Variants in SPEN observed in about 807,000 individuals in gnomAD.
SPEN encodes msx2-interacting protein.
Under a neutral mutation model 269.9 loss-of-function variants are expected in SPEN, and 18 were observed. The observed-to-expected ratio is 0.07, with a 90% CI of 0.05 to 0.10. The LOEUF is 0.10. Ranked by LOEUF, SPEN falls within the 10% of genes least tolerant of loss-of-function variation. SPEN has a pLI of 1.00. For missense variants in SPEN, 3,822 were observed against 4,631.2 expected (o/e 0.83, Z 5.07); for synonymous variants, 1,726 against 1,765.7 (o/e 0.98, Z 0.56).
chr1:15,931,795 T>G lies in SPEN; in HGVS notation c.5555T>G (p.Leu1852Arg). 1 of 1,614,180 alleles carries G rather than the reference T, an allele frequency of 6.2e-7. No homozygotes were observed. Among genetic ancestry groups the G allele is most frequent in the Non-Finnish European group, 8.5e-7 (1 of 1,180,036 alleles). The change falls in exon 11 of 15, where the codon CTC becomes CGC. Residue 1852 changes from leucine to arginine, a missense_variant. Around this residue, in one of 16 missense-constraint regions of SPEN, gnomAD observed 533 missense variants for 618.8 expected, o/e 0.86. Transcript: ENST00000375759. This position sits in a 1 kb window ranked among gnomAD's most constrained non-coding sequence, Gnocchi z 4.8. ...AGTGAGAGGATAGACCGGGAAAAAC[T>G]CAAGCGGTCCAATTCTCCTCGGGGA... is the stretch of plus-strand genomic sequence containing the variant. ...RKSERIDREK[L>R]KRSNSPRGEA... is the part of the protein sequence containing the mutation.
intron 10 of SPEN, among the ~76,000 whole-genome samples, chr1:15,922,884 G>C (rs1375048194): frequency 6.6e-6 from 1 of 152,088 alleles, no homozygotes; most frequent in African/African-American, 2.4e-5. Flanking sequence ...AAAGCGCTGG[G>C]ATTACAGGTG....
chr1:15,915,026 T>G (rs1386024615), intron 5 of SPEN, among the ~76,000 whole-genome samples: 1 of 152,224 alleles, frequency 6.6e-6, no homozygotes, highest in African/African-American at 2.4e-5. Flanking sequence ...TATAAAATGT[T>G]GAAAAGTAAA....
At position 15,899,591 on chromosome 1, in the gene SPEN, C is replaced by T. The variant is rs566312106; in HGVS notation, c.882-9730C>T. 2.3e-5 allele frequency among the ~76,000 whole-genome samples: 3 copies of T among 128,970 alleles called. No homozygotes were observed. The Admixed American group carries it at 2.7e-4, about 12-fold the overall frequency. The allele number at this position is 128,970 out of a possible 152,430, so 84.6% of individuals were successfully genotyped here. A position where few individuals can be genotyped will look rare whatever the true frequency, so the allele number is the denominator to read the frequency against. ...GATCCTGTGTTGTTTATGCTGAACT[C>T]GAACTCCTGGGCTCATGCTGTCCTT... is the stretch of plus-strand genomic sequence containing the variant. On this transcript the variant is annotated intron_variant, in intron 3 of 14. Transcript: ENST00000375759.
Position 15,931,952 on chromosome 1 carries a change from A to C in SPEN, c.5712A>C (p.Val1904=), listed in dbSNP as rs759539493. The C allele has an allele frequency of 2.2e-5, 35 of 1,614,102 alleles. No individual in the cohort carries two copies. The highest frequency in any genetic ancestry group is 2.7e-5 in the Non-Finnish European group (32 of 1,180,040). ...TCAGCCGAACAAGGCGCCGGAATGT[A>C]AGGAGCGTCTATGCAACCATGGGTG... ...LPLSRTRRRN[V]RSVYATMGDH... is the part of the protein sequence containing the mutation. The change falls in exon 11 of 15, where the codon GTA becomes GTC. Residue 1904 remains valine (V), a synonymous_variant. Transcript: ENST00000375759. The surrounding 1 kb of genome is among the most constrained non-coding windows in gnomAD (Gnocchi z 4.8).
chr1:15,932,231 GA>G lies in SPEN; in HGVS notation c.5996del (p.Lys1999ArgfsTer23). ...CTGCAGCTGGTGGTGGACCCCAAGG[GA>G]AAAAGGGAAAAAATGAACCGAAGGT... Reference protein sequence around the residue: ...KTAAGGGPQGKKGKNEPKVDA... With the variant: ...KTAAGGGPQGXKGKNEPKVDA... On this transcript the variant is annotated frameshift_variant, in exon 11 of 15. Coordinates refer to ENST00000375759, the MANE Select transcript of SPEN (RefSeq NM_015001.3). LOFTEE classifies it high-confidence loss of function. The surrounding 1 kb of genome is among the most constrained non-coding windows in gnomAD (Gnocchi z 4.2). 6.2e-7 allele frequency: 1 copy of G among 1,609,626 alleles called. No homozygotes were observed. Among genetic ancestry groups the G allele is most frequent in the Non-Finnish European group, 8.5e-7 (1 of 1,178,716 alleles).
At chr1:15,908,588 A>G (rs1570035760) in intron 3 of SPEN, among the ~76,000 whole-genome samples, 1 of 151,924 alleles carries the variant, frequency 6.6e-6, no homozygotes, top group Admixed American at 6.6e-5. Flanking sequence ...ACACCCAGCT[A>G]ATTTTTATAT....
Position 15,939,206 on chromosome 1 carries a change from A to G in SPEN, c.10864-90A>G, listed in dbSNP as rs2071311269. 6 of 1,465,182 alleles carry G rather than the reference A, an allele frequency of 4.1e-6. No homozygotes were observed. In the South Asian group the frequency reaches 7.2e-5, roughly 18 times the overall value. 90.8% of individuals were successfully genotyped at this position (1,465,182 alleles called of 1,614,324 possible). On this transcript the variant is annotated intron_variant, in intron 14 of 14. Transcript: ENST00000375759. The surrounding 1 kb of genome is among the most constrained non-coding windows in gnomAD (Gnocchi z 4.1). The stretch of plus-strand genomic sequence containing the variant: ...TGGGGACTGATTTGGCCTGGCTCTT[A>G]GCATTGGGCCTCTTCAGGGCTCCCC...
At chr1:15,907,326 A>G (rs1342180516) in intron 3 of SPEN, among the ~76,000 whole-genome samples, 1 of 152,088 alleles carries the variant, frequency 6.6e-6, no homozygotes, top group African/African-American at 2.4e-5. Context: ...CACTAAAAAT[A>G]TAAAAAATAG....
intron 3 of SPEN, among the ~76,000 whole-genome samples, chr1:15,880,758 A>G (rs1196724971): frequency 2.0e-5 from 3 of 152,126 alleles, no homozygotes; most frequent in East Asian, 1.9e-4. Context: ...TGCCCGGCCA[A>G]TGATAGCTTT....
Position 15,933,893 on chromosome 1 carries a change from C to G in SPEN, c.7653C>G (p.Ser2551=), listed in dbSNP as rs1358279163. 1 of 1,613,962 alleles carries G rather than the reference C, an allele frequency of 6.2e-7. No individual in the cohort carries two copies. Among genetic ancestry groups the G allele is most frequent in the African/African-American group, 1.3e-5 (1 of 75,036 alleles). The change falls in exon 11 of 15, where the codon TCC becomes TCG. Residue 2551 remains serine, a synonymous_variant. Transcript: ENST00000375759. This position sits in a 1 kb window ranked among gnomAD's most constrained non-coding sequence, Gnocchi z 5.7. ...PKYVSATSVT[S]TSVTTAIAEP... Reference sequence around the variant, plus strand: ...ATGTGTCTGCCACAAGTGTCACTTCCACAAGTGTCACCACAGCCATTGCAG... The same window carrying G: ...ATGTGTCTGCCACAAGTGTCACTTCGACAAGTGTCACCACAGCCATTGCAG...
At chr1:15,938,063 G>A in intron 13 of SPEN, 57 bp downstream of exon 13, 1 of 1,468,062 alleles carries the variant, frequency 6.8e-7, no homozygotes. Flanking sequence ...GAAGACGTAG[G>A]TAGTCCCTGC....
intron 1 of SPEN, among the ~76,000 whole-genome samples, chr1:15,864,655 G>A (rs1453688581): frequency 3.0e-5 from 4 of 135,470 alleles, no homozygotes; most frequent in African/African-American, 1.1e-4. Context: ...CTGTCACCCA[G>A]TCTGGAGTTC....
intron 1 of SPEN, among the ~76,000 whole-genome samples, chr1:15,849,522 T>A (rs2070311770): frequency 6.6e-6 from 1 of 151,974 alleles, no homozygotes; most frequent in Non-Finnish European, 1.5e-5. Flanking sequence ...GGGCCATTCA[T>A]AACCTGCTTG....
At chr1:15,901,669 A>C (rs1156535395) in intron 3 of SPEN, among the ~76,000 whole-genome samples, 9 of 150,504 alleles carry the variant, frequency 6.0e-5, no homozygotes, top group African/African-American at 9.8e-5. Flanking sequence ...AAAAAAAAAA[A>C]CACCAACAAA....
At chr1:15,925,011 G>T (rs1304383916) in intron 10 of SPEN, among the ~76,000 whole-genome samples, 1 of 152,128 alleles carries the variant, frequency 6.6e-6, no homozygotes, top group South Asian at 2.1e-4. Flanking sequence ...CTGAATAGTT[G>T]ATGCATGAAT....
chr1:15,883,546 G>C (rs547969635), intron 3 of SPEN, among the ~76,000 whole-genome samples: 1 of 151,606 alleles, frequency 6.6e-6, no homozygotes, highest in African/African-American at 2.4e-5. Flanking sequence ...TCAGCCTCCT[G>C]AGTAGCTGGG....
intron 5 of SPEN, among the ~76,000 whole-genome samples, chr1:15,911,652 C>T (rs951720157): frequency 6.6e-6 from 1 of 152,104 alleles, no homozygotes; most frequent in Non-Finnish European, 1.5e-5. Flanking sequence ...AACAGAATTA[C>T]CTTGAATTGG....
At position 15,934,889 on chromosome 1, in the gene SPEN, T is replaced by C. The variant is rs1212114729; in HGVS notation, c.8649T>C (p.His2883=). 6.2e-7 allele frequency: 1 copy of C among 1,614,018 alleles called. No homozygotes were observed. The highest frequency in any genetic ancestry group is 8.5e-7 in the Non-Finnish European group (1 of 1,179,960). The change falls in exon 11 of 15, where the codon CAT becomes CAC. Residue 2883 remains histidine (H), a synonymous_variant. Coordinates refer to ENST00000375759, the MANE Select transcript of SPEN (RefSeq NM_015001.3). This position sits in a 1 kb window ranked among gnomAD's most constrained non-coding sequence, Gnocchi z 9.2. The part of the protein sequence containing the change: ...APAGYANVAT[H]STLVLTAQTY... The stretch of plus-strand genomic sequence containing the variant: ...CAGGCTATGCGAACGTGGCCACCCA[T>C]TCCACGTTGGTACTGACCGCCCAGA...
intron 5 of SPEN, among the ~76,000 whole-genome samples, chr1:15,913,327 G>T (rs1170028121): frequency 6.6e-6 from 1 of 152,026 alleles, no homozygotes; most frequent in Non-Finnish European, 1.5e-5. Context: ...TTTCCCAAAG[G>T]TGTGTAGGCA....
Sources: gnomAD v4.1 joint callset for allele counts (sites outside exome capture counted in the v4.1 genomes callset) on GRCh38, gnomAD v4.1.1 for gene constraint, gnomAD v4.1.1 regional missense constraint, Gnocchi (gnomAD v3.1) non-coding constraint, MANE v1.5 for transcripts, NCBI Gene and HGNC (gene_info 2026-07-23, HGNC 2026-07-21) for gene names.